CNTLN: variants seen among roughly 807,000 people sequenced by gnomAD.
The protein encoded by CNTLN is centlein, centrosomal protein.
A neutral mutation model predicts 180.0 loss-of-function variants in CNTLN; 212 were observed. That is an observed-to-expected ratio of 1.18 (90% confidence interval 1.05 to 1.32). The LOEUF (loss-of-function observed/expected upper bound fraction) is 1.32, where lower values mean the gene tolerates loss of function less well. Among genes scored for constraint, CNTLN ranks in the 40% most tolerant of loss-of-function variants. The pLI is 0.00. For missense variants in CNTLN, 2,095 were observed against 1,610.9 expected, an observed-to-expected ratio of 1.30 and a Z score of -5.14; for synonymous variants, 722 against 563.1, an observed-to-expected ratio of 1.28 and a Z score of -3.99.
intron 25 of CNTLN, among the ~76,000 whole-genome samples, chr9:17,493,418 C>T (rs942063681): frequency 6.6e-6 from 1 of 151,966 alleles, no homozygotes; most frequent in African/African-American, 2.4e-5. Flanking sequence ...TCTAGATAGA[C>T]AAGTTCCTTG....
chr9:17,237,184 G>A (rs900720990), intron 5 of CNTLN, among the ~76,000 whole-genome samples: 3 of 151,792 alleles, frequency 2.0e-5, no homozygotes, highest in African/African-American at 7.3e-5. Flanking sequence ...AATTTTATTA[G>A]TATTTTTCAA....
chr9:17,330,786 C>G lies in CNTLN; in HGVS notation c.1496C>G (p.Thr499Arg). Residue 499 changes from threonine (T) to arginine (R), a missense_variant, in exon 9 of 26, where the codon ACA becomes AGA. By Grantham distance (71) the Thr-to-Arg change is moderately conservative. Transcript: ENST00000380647. ...NKGFSRKSIM[T>R]SAEGKHKEPP... ...GGTTTCTCCCGAAAGAGCATCATGA[C>G]AAGTGCTGAAGGAAAACATAAGGTA... is the stretch of plus-strand genomic sequence containing the variant. 3 of 1,607,634 alleles carry G rather than the reference C, an allele frequency of 1.9e-6. No individual in the cohort carries two copies. The highest frequency in any genetic ancestry group is 2.5e-6 in the Non-Finnish European group (3 of 1,176,912).
chr9:17,213,406 C>T (rs909596169), intron 2 of CNTLN, among the ~76,000 whole-genome samples: 47 of 152,202 alleles, frequency 3.1e-4, no homozygotes, highest in African/African-American at 1.1e-3. Context: ...TTTGATTGCA[C>T]TGTGGTCTGA....
chr9:17,171,912 G>A (rs1426326501), intron 2 of CNTLN, among the ~76,000 whole-genome samples: 1 of 152,164 alleles, frequency 6.6e-6, no homozygotes, highest in African/African-American at 2.4e-5. Flanking sequence ...GAGTAGCCAT[G>A]GAGCCAGGGT....
intron 13 of CNTLN, among the ~76,000 whole-genome samples, chr9:17,380,625 C>A (rs886626568): frequency 1.8e-4 from 27 of 152,146 alleles, no homozygotes; most frequent in African/African-American, 5.8e-4. Flanking sequence ...CCTGACAAAT[C>A]ACATGTAAGG....
intron 13 of CNTLN, among the ~76,000 whole-genome samples, chr9:17,376,166 T>C (rs1303713674): frequency 6.6e-6 from 1 of 152,178 alleles, no homozygotes; most frequent in Non-Finnish European, 1.5e-5. Context: ...AATCACATTG[T>C]CTCATTTTAT....
At chr9:17,442,237 T>G (rs1050133649) in intron 18 of CNTLN, among the ~76,000 whole-genome samples, 1 of 152,136 alleles carries the variant, frequency 6.6e-6, no homozygotes, top group Non-Finnish European at 1.5e-5. Context: ...CAAGTGCACA[T>G]GAAATATTTT....
In CNTLN at chr9:17,236,501, C is replaced by A. The variant is rs754369172; in HGVS notation, c.762C>A (p.Cys254Ter). The change falls in exon 5 of 26, where the codon TGC becomes TGA. Residue 254 changes from cysteine (C) to a stop codon, truncating the protein, a stop_gained. Transcript: ENST00000380647. LOFTEE classifies it high-confidence loss of function. ...AAAACAAGAAATTAAGTACCCGCTG[C>A]ACTGACCTGCTAAATGACCTGGAGA... ...EEENKKLSTR[C>*]TDLLNDLEKL... The A allele has an allele frequency of 1.2e-5, 19 of 1,613,552 alleles. No individual in the cohort carries two copies. The highest frequency in any genetic ancestry group is 1.5e-5 in the Non-Finnish European group (18 of 1,179,752).
Position 17,334,203 on chromosome 9 carries a change from G to A in CNTLN, c.1644+1473G>A, listed in dbSNP as rs369782374. On this transcript the variant is annotated intron_variant, in intron 10 of 25. Transcript: ENST00000380647. ...GCCCCCCGAGTAGCTGGGATTACAGGCGTGTGCCACCACTCCTGGCTAATT... is the reference window on the plus strand; with the variant it reads ...GCCCCCCGAGTAGCTGGGATTACAGACGTGTGCCACCACTCCTGGCTAATT... Among the ~76,000 whole-genome samples the A allele has an allele frequency of 6.6e-5, 10 of 152,190 alleles. No individual in the cohort carries two copies. The East Asian group carries it at 1.7e-3, about 27-fold the overall frequency.
chr9:17,417,482 T>C (rs1828351964), intron 18 of CNTLN, among the ~76,000 whole-genome samples: 1 of 152,100 alleles, frequency 6.6e-6, no homozygotes, highest in South Asian at 2.1e-4. Context: ...CAACTTTAAT[T>C]GTTCAATCTT....
At chr9:17,517,658 G>A in the CNTLN span, among the ~76,000 whole-genome samples, 1 of 152,056 alleles carries the variant, frequency 6.6e-6, no homozygotes, top group African/African-American at 2.4e-5. Flanking sequence ...GCCACCACCA[G>A]GAGCTAGAAC....
chr9:17,414,352 G>C (rs1343063097), intron 16 of CNTLN, among the ~76,000 whole-genome samples: 5 of 152,136 alleles, frequency 3.3e-5, no homozygotes, highest in Non-Finnish European at 5.9e-5. Context: ...TTCAGTAATA[G>C]TACTGGAAAC....
rs72709728 is a variant in CNTLN at position 17,496,743 on chromosome 9, C to A, written c.4120-5808C>A. 7.0e-3 allele frequency among the ~76,000 whole-genome samples: 1,062 copies of A among 152,266 alleles called. 6 individuals carry two copies. The highest frequency in any genetic ancestry group is 9.1e-3 in the East Asian group (47 of 5,172). On this transcript the variant is annotated intron_variant, in intron 25 of 25. Coordinates refer to ENST00000380647, the MANE Select transcript of CNTLN (RefSeq NM_017738.4). ...TTTAATGTCTACATTAAAAGGGACTCCTTGTTAACAGTGGACTGTAGACTC... is the reference window on the plus strand; with the variant it reads ...TTTAATGTCTACATTAAAAGGGACTACTTGTTAACAGTGGACTGTAGACTC...
At chr9:17,374,835 G>C (rs1409713404) in intron 13 of CNTLN, among the ~76,000 whole-genome samples, 2 of 151,722 alleles carry the variant, frequency 1.3e-5, no homozygotes, top group African/African-American at 4.8e-5. Flanking sequence ...ACTCCAGCCT[G>C]GGTGACAGAA....
intron 23 of CNTLN, among the ~76,000 whole-genome samples, chr9:17,467,316 G>A (rs75732155): frequency 0.056 from 8,548 of 151,558 alleles, 392 homozygotes; most frequent in African/African-American, 0.12. Context: ...ACAGAGGAAT[G>A]GCACATGACA....
intron 2 of CNTLN, among the ~76,000 whole-genome samples, chr9:17,187,302 C>G (rs1003833433): frequency 1.3e-5 from 2 of 152,008 alleles, no homozygotes; most frequent in Admixed American, 1.3e-4. Context: ...TTATTACATA[C>G]TCTATAAGTT....
intron 2 of CNTLN, among the ~76,000 whole-genome samples, chr9:17,185,348 CCAAACAAA>C (rs1318132568): frequency 6.6e-6 from 1 of 152,124 alleles, no homozygotes; most frequent in Non-Finnish European, 1.5e-5. Context: ...CTGGATGGCT[CCAAACAAA>C]CATGACATTT....
intron 18 of CNTLN, 104 bp from the exon 19 acceptor site, chr9:17,457,420 C>G (rs945018745): frequency 1.1e-5 from 7 of 625,696 alleles, no homozygotes; most frequent in Non-Finnish European, 1.6e-5. Flanking sequence ...TTTCAGTTCT[C>G]TTTAATATTT....
rs192266262 is a variant in CNTLN, at chr9:17,270,661, G to A, written c.850-3072G>A. 2.0e-4 allele frequency among the ~76,000 whole-genome samples: 30 copies of A among 152,074 alleles called. No homozygotes were observed. In the East Asian group the frequency reaches 2.3e-3, roughly 12 times the overall value. ...TGTGTAATGTTTCTCACAAGATGGGGGTTATTCATTTATTGTAATGTTTAT... is the reference window on the plus strand; with the variant it reads ...TGTGTAATGTTTCTCACAAGATGGGAGTTATTCATTTATTGTAATGTTTAT... On this transcript the variant is annotated intron_variant, in intron 5 of 25. Transcript: ENST00000380647.
Sources: allele counts gnomAD v4.1 joint callset (sites outside exome capture counted in the v4.1 genomes callset), GRCh38; gene constraint gnomAD v4.1.1; transcripts MANE v1.5; gene names NCBI Gene and HGNC (gene_info 2026-07-23, HGNC 2026-07-21).